Variants in KDM7A observed in about 807,000 individuals in gnomAD.
KDM7A encodes the protein lysine-specific demethylase 7A.
In KDM7A, 28 loss-of-function variants were observed where a neutral mutation model predicts 114.8. The observed-to-expected ratio is 0.24, with a 90% CI of 0.18 to 0.33. The LOEUF (loss-of-function observed/expected upper bound fraction) is 0.33. KDM7A is among the 10% of genes least tolerant of loss of function. The pLI is 1.00. For missense variants in KDM7A, 942 were observed against 1,142.5 expected (o/e 0.82, Z 2.53); for synonymous variants, 423 against 397.8 (o/e 1.06, Z -0.75).
At chr7:140,093,613 A>C (rs1430083787) in intron 18 of KDM7A, among the ~76,000 whole-genome samples, 1 of 152,202 alleles carries the variant, frequency 6.6e-6, no homozygotes, top group East Asian at 1.9e-4. Flanking sequence ...GGTTCATTTG[A>C]TAATGTAAGC....
chr7:140,097,687 T>C, intron 14 of KDM7A, 45 bp from the exon 15 acceptor site: 1 of 1,117,100 alleles, frequency 9.0e-7, no homozygotes, highest in Non-Finnish European at 1.4e-6. Flanking sequence ...GTCATTTGAC[T>C]ACGATGAACA....
At chr7:140,110,278 T>C (rs1238606212) in intron 11 of KDM7A, among the ~76,000 whole-genome samples, 2 of 152,216 alleles carry the variant, frequency 1.3e-5, no homozygotes, top group African/African-American at 4.8e-5. Flanking sequence ...TACATATATA[T>C]TTAAGATTAG....
chr7:140,135,496 C>T lies in KDM7A; in HGVS notation c.281-1840G>A, dbSNP rs547813050. ...GATTACACGTGTGAGCCACTGCGCC[C>T]AGCCCATAACTCCATTTTATCTTCA... On this transcript the variant is annotated intron_variant, in intron 2 of 19. Transcript: ENST00000397560. Among the ~76,000 whole-genome samples the T allele has an allele frequency of 1.6e-4, 24 of 152,274 alleles. No individual in the cohort carries two copies. The South Asian group carries it at 4.8e-3, about 30-fold the overall frequency.
chr7:140,127,710 A>C, intron 4 of KDM7A, 127 bp from the exon 5 acceptor site: 1 of 824,728 alleles, frequency 1.2e-6, no homozygotes, highest in South Asian at 1.5e-5. Flanking sequence ...CTAGACAAAT[A>C]TTTTCCCTAT....
intron 9 of KDM7A, 64 bp downstream of exon 9, chr7:140,119,049 G>A: frequency 3.4e-6 from 3 of 891,304 alleles, no homozygotes; most frequent in Non-Finnish European, 5.4e-6. Flanking sequence ...CTGTCAGGTG[G>A]CTATGAGTGA....
chr7:140,161,779 C>T (rs1371435462), intron 1 of KDM7A, among the ~76,000 whole-genome samples: 2 of 151,720 alleles, frequency 1.3e-5, no homozygotes, highest in Admixed American at 1.3e-4. Flanking sequence ...CTCCTGACCT[C>T]GTGATCCGCC....
At chr7:140,152,538 C>A (rs941560957) in intron 1 of KDM7A, among the ~76,000 whole-genome samples, 4 of 141,112 alleles carry the variant, frequency 2.8e-5, no homozygotes, top group Non-Finnish European at 4.5e-5. Flanking sequence ...GCGTGAGAAT[C>A]ACTTGATCCC....
intron 3 of KDM7A, among the ~76,000 whole-genome samples, chr7:140,131,653 C>T (rs1288830859): frequency 6.6e-6 from 1 of 152,200 alleles, no homozygotes; most frequent in Non-Finnish European, 1.5e-5. Flanking sequence ...CCACAATTGT[C>T]CCTCCTTCCC....
At chr7:140,116,037 C>T (rs2116782252) in intron 9 of KDM7A, among the ~76,000 whole-genome samples, 1 of 152,164 alleles carries the variant, frequency 6.6e-6, no homozygotes, top group South Asian at 2.1e-4. Context: ...CAAGTGTTGG[C>T]CAGAGCATAG....
intron 18 of KDM7A, among the ~76,000 whole-genome samples, chr7:140,093,775 C>G (rs1818061079): frequency 6.6e-6 from 1 of 152,216 alleles, no homozygotes; most frequent in South Asian, 2.1e-4. Flanking sequence ...ATATTTCATT[C>G]TAACCAGATA....
intron 1 of KDM7A, among the ~76,000 whole-genome samples, chr7:140,162,152 G>A (rs1413841647): frequency 5.9e-5 from 9 of 152,108 alleles, no homozygotes; most frequent in African/African-American, 2.2e-4. Context: ...CCTGACCAAC[G>A]TGGAGAAATC....
chr7:140,126,536 T>A, intron 6 of KDM7A, 101 bp downstream of exon 6: 3 of 579,290 alleles, frequency 5.2e-6, no homozygotes, highest in Non-Finnish European at 8.2e-6. Context: ...AAAAAAAACT[T>A]CCCCCTTTAC....
intron 1 of KDM7A, among the ~76,000 whole-genome samples, chr7:140,154,456 C>T (rs926277318): frequency 6.8e-5 from 10 of 147,564 alleles, no homozygotes; most frequent in Admixed American, 1.4e-4. Flanking sequence ...TGCACCGCTG[C>T]ACTCCAGCCT....
rs1265414229 is a variant in KDM7A, at chr7:140,086,772, CTTTAT to C, written c.*4317_*4321del. 1 of 152,124 alleles carries C rather than the reference CTTTAT, an allele frequency of 6.6e-6. No homozygotes were observed. Among genetic ancestry groups the C allele is most frequent in the African/African-American group, 2.4e-5 (1 of 41,414 alleles). The allele number at this position is 152,124 out of a possible 1,614,324, so 9.4% of individuals were successfully genotyped here. A position where few individuals can be genotyped will look rare whatever the true frequency, so the allele number is the denominator to read the frequency against. ...GTCCACTCTGGGTTACCTGTGTCTC[CTTTAT>C]TTACCAGCGACACTCTGTCTAGGCT... On this transcript the variant is annotated 3_prime_UTR_variant, in exon 20 of 20. Transcript: ENST00000397560.
At chr7:140,158,940 G>A (rs1794488024) in intron 1 of KDM7A, among the ~76,000 whole-genome samples, 1 of 152,196 alleles carries the variant, frequency 6.6e-6, no homozygotes, top group Admixed American at 6.5e-5. Context: ...GAAACAGCAA[G>A]TAGGAACAAC....
At chr7:140,167,724 T>C (rs6975983) in intron 1 of KDM7A, among the ~76,000 whole-genome samples, 65,384 of 151,798 alleles carry the variant, frequency 0.43, 14,457 homozygotes, top group African/African-American at 0.5. Flanking sequence ...GAAAGGATTG[T>C]TAATTATGAC....
At chr7:140,164,696 T>A (rs1794555165) in intron 1 of KDM7A, among the ~76,000 whole-genome samples, 1 of 152,208 alleles carries the variant, frequency 6.6e-6, no homozygotes, top group South Asian at 2.1e-4. Context: ...AATAAAGGTA[T>A]TACAGGTTTT....
At chr7:140,158,132 T>C (rs934004610) in intron 1 of KDM7A, among the ~76,000 whole-genome samples, 1 of 152,130 alleles carries the variant, frequency 6.6e-6, no homozygotes, top group East Asian at 1.9e-4. Context: ...TCAGGAACTA[T>C]TTAAAAAGAA....
At chr7:140,162,085 C>T (rs1021982286) in intron 1 of KDM7A, among the ~76,000 whole-genome samples, 3 of 152,048 alleles carry the variant, frequency 2.0e-5, no homozygotes, top group Non-Finnish European at 2.9e-5. Context: ...CCTGTAATCC[C>T]GGCACTTTGG....
Sources: allele counts gnomAD v4.1 joint callset (sites outside exome capture counted in the v4.1 genomes callset), GRCh38; gene constraint gnomAD v4.1.1; transcripts MANE v1.5; gene names NCBI Gene and HGNC (gene_info 2026-07-23, HGNC 2026-07-21).